Variants in MBD5 observed in about 807,000 individuals in gnomAD.
The protein encoded by MBD5 is methyl-CpG-binding domain protein 5.
MBD5 carries 13 observed loss-of-function variants against 117.3 expected under a neutral mutation model. The observed-to-expected ratio is 0.11, with a 90% CI of 0.07 to 0.18. MBD5 has a LOEUF of 0.18. Ranked by LOEUF, MBD5 falls within the 10% of genes least tolerant of loss-of-function variation. The probability of loss-of-function intolerance (pLI) is 1.00; values close to 1 mark genes in which losing one functional copy is unlikely to be tolerated. For synonymous variants in MBD5, 727 were observed against 766.4 expected, an observed-to-expected ratio of 0.95 and a Z score of 0.85; for missense variants, 1,879 against 2,093.8, an observed-to-expected ratio of 0.90 and a Z score of 2.00.
chr2:148,240,015 T>C lies in MBD5; in HGVS notation c.-680+6620T>C, dbSNP rs113525713. ...ACAATAGCAAAGACTTGGAACCAAC[T>C]CAAATGTCCATCAGTGATAGACTGG... On this transcript the variant is annotated intron_variant, in intron 3 of 13. Transcript: ENST00000642680. Among the ~76,000 whole-genome samples the C allele has an allele frequency of 5.6e-3, 853 of 152,178 alleles. 11 individuals are homozygous for C. The highest frequency in any genetic ancestry group is 0.02 in the African/African-American group (825 of 41,500).
chr2:148,091,666 A>T (rs908318804), intron 1 of MBD5, among the ~76,000 whole-genome samples: 4 of 152,218 alleles, frequency 2.6e-5, no homozygotes, highest in Admixed American at 2.6e-4. Flanking sequence ...TTCAAGACAG[A>T]TCAAAGACTT....
chr2:148,404,910 TTTTTA>T (rs1201545950), intron 4 of MBD5, among the ~76,000 whole-genome samples: 8 of 152,174 alleles, frequency 5.3e-5, no homozygotes, highest in Non-Finnish European at 1.0e-4. Flanking sequence ...TATAATTTTA[TTTTTA>T]TTTTATTATT....
At chr2:148,338,625 A>G (rs147813316) in intron 3 of MBD5, among the ~76,000 whole-genome samples, 88 of 152,310 alleles carry the variant, frequency 5.8e-4, no homozygotes, top group Non-Finnish European at 9.1e-4. Flanking sequence ...AAGCAGACAA[A>G]AAAGGGAAAG....
intron 8 of MBD5, chr2:148,470,696 T>C (rs1680768740): frequency 1.9e-6 from 1 of 522,560 alleles, no homozygotes; most frequent in Non-Finnish European, 3.3e-6. Context: ...ATCTGTGTCA[T>C]TTTGAATATT....
intron 3 of MBD5, among the ~76,000 whole-genome samples, chr2:148,270,877 C>T (rs1426803192): frequency 6.6e-6 from 1 of 152,102 alleles, no homozygotes; most frequent in Non-Finnish European, 1.5e-5. Flanking sequence ...TTCTGATTTC[C>T]TTCTTTCTGA....
At chr2:148,487,567 A>G (rs901151328) in intron 10 of MBD5, among the ~76,000 whole-genome samples, 13 of 152,208 alleles carry the variant, frequency 8.5e-5, no homozygotes, top group African/African-American at 3.1e-4. Context: ...AGGTAAGATA[A>G]AGCCTGAAGA....
intron 2 of MBD5, among the ~76,000 whole-genome samples, chr2:148,216,127 G>A (rs1343609053): frequency 1.3e-5 from 2 of 152,172 alleles, no homozygotes; most frequent in Non-Finnish European, 2.9e-5. Flanking sequence ...AGGTGGGAAG[G>A]GAGGGAACAA....
chr2:148,047,721 G>C (rs928248225), intron 1 of MBD5, among the ~76,000 whole-genome samples: 1 of 152,198 alleles, frequency 6.6e-6, no homozygotes, highest in Admixed American at 6.5e-5. Context: ...GTAAAGAACA[G>C]CAAGCAACCA....
At chr2:148,299,178 G>C (rs1701724576) in intron 3 of MBD5, among the ~76,000 whole-genome samples, 1 of 151,940 alleles carries the variant, frequency 6.6e-6, no homozygotes, top group African/African-American at 2.4e-5. Flanking sequence ...GCCCAGGCTG[G>C]AGTGCAGTGA....
chr2:148,333,373 C>A (rs975468459), intron 3 of MBD5, among the ~76,000 whole-genome samples: 38 of 152,220 alleles, frequency 2.5e-4, no homozygotes, highest in Admixed American at 3.9e-4. Context: ...GAATATCTTT[C>A]TTTTGGGCCT....
chr2:148,236,099 C>G (rs1700086372), intron 3 of MBD5, among the ~76,000 whole-genome samples: 1 of 151,998 alleles, frequency 6.6e-6, no homozygotes, highest in East Asian at 1.9e-4. Context: ...ATACTGGCCT[C>G]CTTTTGATAG....
At chr2:148,278,310 T>G (rs11692197) in intron 3 of MBD5, among the ~76,000 whole-genome samples, 143,452 of 152,220 alleles carry the variant, frequency 0.94, 68,131 homozygotes, top group East Asian at 1. Flanking sequence ...TTCATGAATG[T>G]TCTGTGTGTG....
intron 4 of MBD5, among the ~76,000 whole-genome samples, chr2:148,357,891 A>C (rs1207825852): frequency 1.3e-5 from 2 of 151,288 alleles, no homozygotes; most frequent in African/African-American, 4.9e-5. Flanking sequence ...AAATCTCCCC[A>C]TTTTCAGCCC....
chr2:148,305,507 A>G (rs541633302), intron 3 of MBD5, among the ~76,000 whole-genome samples: 1 of 152,320 alleles, frequency 6.6e-6, no homozygotes, highest in South Asian at 2.1e-4. Flanking sequence ...TTGGGCTCAA[A>G]GCATCTTTAA....
At chr2:148,046,202 T>A (rs1342035546) in intron 1 of MBD5, among the ~76,000 whole-genome samples, 4 of 152,080 alleles carry the variant, frequency 2.6e-5, no homozygotes, top group African/African-American at 4.8e-5. Context: ...CAGGACGGTT[T>A]TGATCTCTTG....
chr2:148,302,660 G>A (rs969959037), intron 3 of MBD5, among the ~76,000 whole-genome samples: 6 of 151,842 alleles, frequency 4.0e-5, no homozygotes, highest in South Asian at 2.1e-4. Context: ...CTGGAGACAC[G>A]GTCTTACTCT....
intron 3 of MBD5, among the ~76,000 whole-genome samples, chr2:148,253,600 T>C (rs998910688): frequency 2.6e-5 from 4 of 152,216 alleles, no homozygotes; most frequent in African/African-American, 9.6e-5. Flanking sequence ...TATTCTATAC[T>C]GTAGTCTATT....
intron 1 of MBD5, among the ~76,000 whole-genome samples, chr2:148,171,791 ACAAAAATCAGAAGCGTTT>A (rs1253166583): frequency 6.6e-6 from 1 of 152,258 alleles, no homozygotes; most frequent in Non-Finnish European, 1.5e-5. Context: ...AAATCAACAT[ACAAAAATCAGAAGCGTTT>A]CTATACACTT....
chr2:148,426,533 C>T (rs546334958), intron 4 of MBD5, among the ~76,000 whole-genome samples: 34 of 151,776 alleles, frequency 2.2e-4, no homozygotes, highest in Non-Finnish European at 3.7e-4. Flanking sequence ...ACAAACCTGA[C>T]AAAAATAAGA....
Sources: gnomAD v4.1 joint callset for allele counts (sites outside exome capture counted in the v4.1 genomes callset) on GRCh38, gnomAD v4.1.1 for gene constraint, MANE v1.5 for transcripts, NCBI Gene and HGNC (gene_info 2026-07-23, HGNC 2026-07-21) for gene names.